Variants in SEPTIN6 observed in about 807,000 individuals in gnomAD.
SEPTIN6 encodes the protein septin 6.
SEPTIN6 carries 8 observed loss-of-function variants against 33.6 expected under a neutral mutation model. That is an observed-to-expected ratio of 0.24 (90% CI 0.14 to 0.43). SEPTIN6 has a LOEUF of 0.43. SEPTIN6 is among the 20% of genes least tolerant of loss of function. The pLI, the probability that SEPTIN6 is intolerant of heterozygous loss-of-function variation, is 1.00. For missense variants in SEPTIN6, 250 were observed against 340.8 expected (o/e 0.73, Z 2.10); for synonymous variants, 131 against 140.0 (o/e 0.94, Z 0.45).
chrX:119,678,814 C>T (rs1475279651), intron 1 of SEPTIN6, among the ~76,000 whole-genome samples: 1 of 111,301 alleles, frequency 9.0e-6, no homozygotes, highest in Non-Finnish European at 1.9e-5. Context: ...TCACCCCTGG[C>T]TGCCTCTTCC....
chrX:119,645,522 T>C (rs757628053), intron 5 of SEPTIN6, among the ~76,000 whole-genome samples: 3 of 110,861 alleles, frequency 2.7e-5, no homozygotes, highest in African/African-American at 9.8e-5. Flanking sequence ...CTCAGCCTCC[T>C]GAGTAGCTGG....
At chrX:119,654,154 A>C (rs1335340238) in intron 3 of SEPTIN6, among the ~76,000 whole-genome samples, 1 of 111,273 alleles carries the variant, frequency 9.0e-6, no homozygotes, top group African/African-American at 3.3e-5. Context: ...ACATGGACAC[A>C]GGCCCGCCAG....
rs1222058338 is a variant in SEPTIN6 at position 119,649,949 on chromosome X, A to G, written c.678T>C (p.Asn226=). 3.3e-6 allele frequency: 4 copies of G among 1,210,641 alleles called. No individual in the cohort carries two copies. The highest frequency in any genetic ancestry group is 4.5e-6 in the Non-Finnish European group (4 of 894,304). The change falls in exon 5 of 11, where the codon AAT becomes AAC. Residue 226 remains asparagine, a synonymous_variant. Transcript: ENST00000394610. ...PTDDESVAEI[N]GTMNAHLPFA... is the part of the protein sequence containing the mutation. Reference sequence around the variant, plus strand: ...TGCTCCCACTCACGTTCATGGTTCCATTGATCTCTGCCACCGACTCATCAT... The same window carrying G: ...TGCTCCCACTCACGTTCATGGTTCCGTTGATCTCTGCCACCGACTCATCAT...
chrX:119,637,145 G>T lies in SEPTIN6; in HGVS notation c.838C>A (p.Arg280=). Residue 280 remains arginine (R), a synonymous_variant, in exon 7 of 11, where the codon CGG becomes AGG. Coordinates refer to ENST00000394610, the MANE Select transcript of SEPTIN6 (RefSeq NM_145799.4). ...DFVKLREMLI[R]VNMEDLREQT... is the part of the protein sequence containing the mutation. ...TCCCGCAGATCCTCCATGTTGACCC[G>T]AATCAGCATCTCCCGCAGCTTCACA... 2 of 1,211,516 alleles carry T rather than the reference G, an allele frequency of 1.7e-6. No individual in the cohort carries two copies. Among genetic ancestry groups the T allele is most frequent in the Non-Finnish European group, 2.2e-6 (2 of 895,204 alleles).
At chrX:119,643,457 G>A (rs1362613514) in intron 5 of SEPTIN6, among the ~76,000 whole-genome samples, 2 of 110,247 alleles carry the variant, frequency 1.8e-5, no homozygotes, top group African/African-American at 6.6e-5. Flanking sequence ...CCTCGGGCCT[G>A]TTGCATTTTT....
At chrX:119,659,760 G>A (rs965281156) in intron 3 of SEPTIN6, among the ~76,000 whole-genome samples, 3 of 111,900 alleles carry the variant, frequency 2.7e-5, no homozygotes, top group Non-Finnish European at 5.6e-5. Context: ...TAAAAAGACA[G>A]CAAGATGAAA....
intron 9 of SEPTIN6, among the ~76,000 whole-genome samples, chrX:119,626,437 A>G (rs2053857916): frequency 8.9e-6 from 1 of 112,263 alleles, no homozygotes; most frequent in African/African-American, 3.2e-5. Context: ...CCACAGGACT[A>G]TGAAGGCAGC....
At chrX:119,684,710 C>T (rs1318133470) in intron 1 of SEPTIN6, among the ~76,000 whole-genome samples, 5 of 110,046 alleles carry the variant, frequency 4.5e-5, no homozygotes, top group Non-Finnish European at 9.5e-5. Flanking sequence ...AGGCTGGTCT[C>T]GAACTCCTAA....
chrX:119,670,789 T>A (rs1383653610), intron 2 of SEPTIN6, among the ~76,000 whole-genome samples: 2 of 108,654 alleles, frequency 1.8e-5, no homozygotes, highest in Non-Finnish European at 3.8e-5. Context: ...AAATACAAAA[T>A]TAGCTGGGTG....
intron 5 of SEPTIN6, among the ~76,000 whole-genome samples, chrX:119,643,828 C>G (rs1399011382): frequency 9.0e-6 from 1 of 111,631 alleles, no homozygotes; most frequent in Non-Finnish European, 1.9e-5. Flanking sequence ...TCCCAGCCAC[C>G]TAGGGTGGTC....
rs747452514 is a variant in SEPTIN6 at position 119,637,105 on chromosome X, C to A, written c.878G>T (p.Arg293Leu). 5.0e-6 allele frequency: 6 copies of A among 1,211,360 alleles called. No individual in the cohort carries two copies. Among genetic ancestry groups the A allele is most frequent in the Non-Finnish European group, 6.7e-6 (6 of 895,224 alleles). The change falls in exon 7 of 11, where the codon CGG becomes CTG. Residue 293 changes from arginine to leucine, a missense_variant. By Grantham distance (102) the Arg-to-Leu change is moderately radical (BLOSUM62 -2). This residue lies in a region of SEPTIN6 where 139 missense variants were observed against 227.0 expected (regional missense o/e 0.61). Transcript: ENST00000394610. ...ACAGCGGCGATACAGCTCATAGTGC[C>A]GGGTGTGGGTCTGCTCCCGCAGATC... ...MEDLREQTHT[R>L]HYELYRRCKL...
chrX:119,668,775 C>T (rs958902710), intron 2 of SEPTIN6, among the ~76,000 whole-genome samples: 19 of 111,401 alleles, frequency 1.7e-4, no homozygotes, highest in African/African-American at 6.2e-4. Flanking sequence ...CAACATAGAC[C>T]CTGTCTCTGT....
At chrX:119,660,418 C>T (rs764491410) in intron 3 of SEPTIN6, among the ~76,000 whole-genome samples, 2 of 112,437 alleles carry the variant, frequency 1.8e-5, no homozygotes, top group South Asian at 7.3e-4. Flanking sequence ...TTCATTTCTA[C>T]TTATTTGATT....
chrX:119,622,189 T>C (rs1289662094), intron 10 of SEPTIN6, among the ~76,000 whole-genome samples: 1 of 111,941 alleles, frequency 8.9e-6, no homozygotes, highest in East Asian at 2.8e-4. Flanking sequence ...ATGGGAAGGC[T>C]GACGTATTTT....
intron 8 of SEPTIN6, among the ~76,000 whole-genome samples, chrX:119,630,754 G>T (rs1465158610): frequency 4.5e-5 from 5 of 110,846 alleles, no homozygotes; most frequent in Non-Finnish European, 9.5e-5. Flanking sequence ...TGAGCTGGGC[G>T]TGGTGACGCT....
intron 5 of SEPTIN6, among the ~76,000 whole-genome samples, chrX:119,642,737 C>T (rs769536843): frequency 1.8e-4 from 20 of 111,583 alleles, no homozygotes; most frequent in Non-Finnish European, 2.1e-4. Flanking sequence ...CCAAAAATGT[C>T]CTTCAGAGCA....
rs775111428 is a variant in SEPTIN6, at chrX:119,624,647, G to A, written c.*41+688C>T. Among the ~76,000 whole-genome samples the A allele has an allele frequency of 1.1e-3, 125 of 111,499 alleles. 3 individuals are homozygous for A. The highest frequency in any genetic ancestry group is 0.01 in the Admixed American group (106 of 10,440). ...GATGCTGACTGTGACATTGCAGGAC[G>A]GAGCTTGTGAAACCCAGTTTCTCTC... On this transcript the variant is annotated intron_variant, in intron 10 of 10. Transcript: ENST00000394610.
chrX:119,659,901 C>T (rs2054509256), intron 3 of SEPTIN6, among the ~76,000 whole-genome samples: 1 of 111,788 alleles, frequency 8.9e-6, no homozygotes, highest in Admixed American at 9.5e-5. Flanking sequence ...GAGATGGAGT[C>T]TCACTCTGTT....
At chrX:119,620,778 G>A (rs1382278197) in intron 10 of SEPTIN6, among the ~76,000 whole-genome samples, 2 of 109,349 alleles carry the variant, frequency 1.8e-5, no homozygotes, top group Non-Finnish European at 3.8e-5. Context: ...CTGCCACCAC[G>A]CTCGGCTAAT....
Sources: allele counts gnomAD v4.1 joint callset (sites outside exome capture counted in the v4.1 genomes callset), GRCh38; gene constraint gnomAD v4.1.1; regional missense constraint gnomAD v4.1.1; transcripts MANE v1.5; gene names NCBI Gene and HGNC (gene_info 2026-07-23, HGNC 2026-07-21).